The following CLASP1 variants were observed in gnomAD, a reference collection of about 807,000 sequenced individuals.
CLASP1 encodes the protein cytoplasmic linker associated protein 1, also known as CLIP-associating protein 1.
In CLASP1, 38 loss-of-function variants were observed where a neutral mutation model predicts 192.3. That is an observed-to-expected ratio of 0.20 (90% CI 0.15 to 0.26). CLASP1 has a LOEUF of 0.26. CLASP1 is among the 10% of genes least tolerant of loss of function. The pLI, the probability that CLASP1 is intolerant of heterozygous loss-of-function variation, is 1.00. For missense variants in CLASP1, 1,433 were observed against 1,932.5 expected (o/e 0.74, Z 4.85); for synonymous variants, 691 against 712.8 (o/e 0.97, Z 0.49).
chr2:121,568,310 T>C (rs970779154), intron 2 of CLASP1, among the ~76,000 whole-genome samples: 11 of 151,880 alleles, frequency 7.2e-5, no homozygotes, highest in African/African-American at 1.9e-4. Context: ...CTGGGGGCAA[T>C]TGTAACCACT....
At chr2:121,602,713 C>T (rs2063934893) in intron 2 of CLASP1, among the ~76,000 whole-genome samples, 1 of 152,040 alleles carries the variant, frequency 6.6e-6, no homozygotes, top group African/African-American at 2.4e-5. Context: ...GGGGAAAGGC[C>T]AGTCTCTTCA....
intron 37 of CLASP1, among the ~76,000 whole-genome samples, chr2:121,349,141 G>A (rs2063879116): frequency 6.6e-6 from 1 of 152,092 alleles, no homozygotes; most frequent in South Asian, 2.1e-4. Flanking sequence ...TCGGGAGGCT[G>A]AGGCAGGAGA....
At chr2:121,477,967 A>G (rs923922787) in intron 8 of CLASP1, among the ~76,000 whole-genome samples, 1 of 152,194 alleles carries the variant, frequency 6.6e-6, no homozygotes, top group South Asian at 2.1e-4. Context: ...TGTGCTAAGT[A>G]TGTTCTGCAC....
intron 23 of CLASP1, among the ~76,000 whole-genome samples, chr2:121,417,713 A>G (rs1439679447): frequency 6.6e-6 from 1 of 152,248 alleles, no homozygotes; most frequent in Admixed American, 6.5e-5. Context: ...CTAGATTTTG[A>G]TTACCGACAC....
At position 121,439,084 on chromosome 2, in the gene CLASP1, T is replaced by C. The variant is rs1273456744; in HGVS notation, c.1912+8253A>G. On this transcript the variant is annotated intron_variant, in intron 19 of 39. Coordinates refer to ENST00000263710, the Ensembl canonical transcript of CLASP1. ...GAGAGTGTATGTGTCCAGGAATTTATCCATTTCTTCTAGATTTTCTAGTTT... is the reference window on the plus strand; with the variant it reads ...GAGAGTGTATGTGTCCAGGAATTTACCCATTTCTTCTAGATTTTCTAGTTT... Among the ~76,000 whole-genome samples, 958 of 151,086 alleles carry C rather than the reference T, an allele frequency of 6.3e-3. 12 individuals carry two copies. Among genetic ancestry groups the C allele is most frequent in the African/African-American group, 0.022 (917 of 41,356 alleles).
chr2:121,348,964 G>C (rs1444087432), intron 37 of CLASP1, among the ~76,000 whole-genome samples: 2 of 152,158 alleles, frequency 1.3e-5, no homozygotes, highest in African/African-American at 4.8e-5. Flanking sequence ...TACTCGGCCG[G>C]GCGCGGTGGC....
Position 121,612,073 on chromosome 2 carries a change from G to A in CLASP1, c.-285-5893C>T, listed in dbSNP as rs958888321. Among the ~76,000 whole-genome samples, 3 of 150,908 alleles carry A rather than the reference G, an allele frequency of 2.0e-5. 1 individual carries two copies. Among genetic ancestry groups the A allele is most frequent in the Non-Finnish European group, 4.4e-5 (3 of 67,722 alleles). The stretch of plus-strand genomic sequence containing the variant: ...ACAGGAGGAAGAGGAACTGGAGGAG[G>A]AGGAGTTGGAGGAGTTACAGGAGAA... On this transcript the variant is annotated intron_variant, in intron 1 of 39. Transcript: ENST00000263710.
chr2:121,351,706 G>A (rs933773469), intron 37 of CLASP1, among the ~76,000 whole-genome samples: 1 of 152,196 alleles, frequency 6.6e-6, no homozygotes, highest in African/African-American at 2.4e-5. Flanking sequence ...GGCCTACACT[G>A]GGATTATGGA....
chr2:121,437,217 C>T (rs2082459989), intron 19 of CLASP1, among the ~76,000 whole-genome samples: 1 of 152,134 alleles, frequency 6.6e-6, no homozygotes, highest in African/African-American at 2.4e-5. Flanking sequence ...CCTGCCTCGG[C>T]CTCCAAAATT....
chr2:121,639,863 CAAAAAAA>C (rs34338582), intron 1 of CLASP1, among the ~76,000 whole-genome samples: 24 of 62,406 alleles, frequency 3.8e-4, no homozygotes, highest in African/African-American at 5.2e-4. Context: ...AACTCCATCT[CAAAAAAA>C]AAAAAAAAAA....
intron 14 of CLASP1, among the ~76,000 whole-genome samples, chr2:121,452,816 T>C (rs921431316): frequency 4.6e-5 from 7 of 151,872 alleles, no homozygotes; most frequent in Non-Finnish European, 8.8e-5. Context: ...AACAAACAAA[T>C]AAAAATTTCT....
At chr2:121,480,515 G>A (rs568568502) in intron 8 of CLASP1, among the ~76,000 whole-genome samples, 2 of 152,356 alleles carry the variant, frequency 1.3e-5, no homozygotes, top group African/African-American at 4.8e-5. Flanking sequence ...TCCACAGCTC[G>A]CACTGGGTAG....
At chr2:121,348,801 C>A in intron 37 of CLASP1, 83 bp from the exon 39 acceptor site, 1 of 1,262,978 alleles carries the variant, frequency 7.9e-7, no homozygotes, top group South Asian at 1.5e-5. Context: ...ATTTCAGAGG[C>A]CAAAGGACAA....
rs775051998 is a variant in CLASP1 at position 121,348,507 on chromosome 2, C to G, written c.4413+5G>C. The G allele has an allele frequency of 1.2e-6, 2 of 1,603,968 alleles. No individual in the cohort carries two copies. Among genetic ancestry groups the G allele is most frequent in the Non-Finnish European group, 1.7e-6 (2 of 1,175,606 alleles). On this transcript the variant is annotated splice_donor_5th_base_variant and intron_variant, in intron 38 of 39. Transcript: ENST00000263710. Reference sequence around the variant, plus strand: ...GGGGCAGGCCCCACCAACACGAGGGCCTACCTGCAGCAAGCCTGGGATGAT... The same window carrying G: ...GGGGCAGGCCCCACCAACACGAGGGGCTACCTGCAGCAAGCCTGGGATGAT...
chr2:121,368,186 CG>C (rs1177958430), intron 34 of CLASP1, among the ~76,000 whole-genome samples: 1 of 152,098 alleles, frequency 6.6e-6, no homozygotes, highest in Non-Finnish European at 1.5e-5. Context: ...AGACCAGCAA[CG>C]GGGGCTTCTC....
Position 121,387,233 on chromosome 2 carries a change from G to A in CLASP1, c.3268-5C>T, listed in dbSNP as rs2073415338. The A allele has an allele frequency of 6.3e-7, 1 of 1,576,322 alleles. No individual in the cohort carries two copies. The highest frequency in any genetic ancestry group is 1.9e-5 in the Admixed American group (1 of 51,794). On this transcript the variant is annotated splice_polypyrimidine_tract_variant and splice_region_variant and intron_variant, in intron 31 of 39. Coordinates refer to ENST00000263710, the Ensembl canonical transcript of CLASP1. ...AATCGTATTGCTTGGAGAGCCCTGG[G>A]GTGAAGCAGAATAGGCATCGTTATT...
At chr2:121,546,344 A>C (rs776709601) in intron 2 of CLASP1, among the ~76,000 whole-genome samples, 1 of 151,582 alleles carries the variant, frequency 6.6e-6, no homozygotes, top group Non-Finnish European at 1.5e-5. Flanking sequence ...AAGATGGCTG[A>C]CTAGAAGCAT....
At chr2:121,517,271 T>C (rs2094324050) in intron 6 of CLASP1, among the ~76,000 whole-genome samples, 1 of 152,120 alleles carries the variant, frequency 6.6e-6, no homozygotes, top group African/African-American at 2.4e-5. Flanking sequence ...TGTGCTTAAT[T>C]CAGTAAGCAA....
chr2:121,495,431 C>A (rs1401862044), intron 8 of CLASP1, among the ~76,000 whole-genome samples: 2 of 152,176 alleles, frequency 1.3e-5, no homozygotes, highest in South Asian at 4.1e-4. Context: ...GAGGCTGAGG[C>A]GGGCAGATTG....
Sources: allele counts gnomAD v4.1 joint callset (sites outside exome capture counted in the v4.1 genomes callset), GRCh38; gene constraint gnomAD v4.1.1; transcripts MANE v1.5; gene names NCBI Gene and HGNC (gene_info 2026-07-23, HGNC 2026-07-21).